The following ZNF517 variants were observed in gnomAD, a reference collection of about 807,000 sequenced individuals.
ZNF517 encodes the protein zinc finger protein 517.
A neutral mutation model predicts 12.1 loss-of-function variants in ZNF517; 12 were observed. That is an observed-to-expected ratio of 0.99 (90% CI 0.63 to 1.61). The LOEUF (loss-of-function observed/expected upper bound fraction) is 1.61. ZNF517 is among the 40% of genes most tolerant of loss of function. ZNF517 has a pLI of 0.00. For missense variants in ZNF517, 781 were observed against 693.2 expected, an observed-to-expected ratio of 1.13 and a Z score of -1.42; for synonymous variants, 388 against 310.2, an observed-to-expected ratio of 1.25 and a Z score of -2.63.
At chr8:144,812,502 GGA>G (rs1372604142), downstream of ZNF517, among the ~76,000 whole-genome samples, 4 of 151,854 alleles carry the variant, frequency 2.6e-5, no homozygotes, top group African/African-American at 9.7e-5. Context: ...AGACAGGGTG[GGA>G]GAGAGACGGA....
In ZNF517 at chr8:144,808,423, C is replaced by T. The variant is rs201744714; in HGVS notation, c.*28C>T. ...ACGGGGACGACAGGCCGAGGATTCACGCTGGAAGCCCACCCAAGCCGGCGG... is the reference window on the plus strand; with the variant it reads ...ACGGGGACGACAGGCCGAGGATTCATGCTGGAAGCCCACCCAAGCCGGCGG... On this transcript the variant is annotated 3_prime_UTR_variant, in exon 5 of 5. Transcript: ENST00000359971. The T allele has an allele frequency of 1.7e-5, 25 of 1,442,460 alleles. No homozygotes were observed. The East Asian group carries it at 4.9e-4, about 28-fold the overall frequency. 89.4% of individuals were successfully genotyped at this position (1,442,460 alleles called of 1,614,324 possible).
Position 144,807,856 on chromosome 8 carries a change from G to A in ZNF517, c.940G>A (p.Glu314Lys). Residue 314 changes from glutamate to lysine, a missense_variant, in exon 5 of 5, where the codon GAG (glutamate) becomes AAG (lysine). By Grantham distance (56) the Glu-to-Lys change is moderately conservative (BLOSUM62 1). Coordinates refer to ENST00000359971, the MANE Select transcript of ZNF517 (RefSeq NM_213605.3). ...CGAGCACGGCCGCATCCACAGCGGGGAGCGGCCCTACCGGTGCCTGCGGTG... is the reference window on the plus strand; with the variant it reads ...CGAGCACGGCCGCATCCACAGCGGGAAGCGGCCCTACCGGTGCCTGCGGTG... ...LNEHGRIHSG[E>K]RPYRCLRCGQ... 6.3e-7 allele frequency: 1 copy of A among 1,589,348 alleles called. No homozygotes were observed. Among genetic ancestry groups the A allele is most frequent in the South Asian group, 1.1e-5 (1 of 87,514 alleles).
At chr8:144,800,732 G>T in intron 1 of ZNF517, 1 of 979,022 alleles carries the variant, frequency 1.0e-6, no homozygotes, top group Non-Finnish European at 1.2e-6. Flanking sequence ...GAATCTGTCT[G>T]ATCCACCCCC....
In ZNF517 at chr8:144,808,477, T is replaced by C. The variant is rs1827410987; in HGVS notation, c.*82T>C. ...CCTAGCGCAGAAATTCAGAACCCCC[T>C]GTCCTGAAGGTGAAGCAAAGTCTAA... is the stretch of plus-strand genomic sequence containing the variant. On this transcript the variant is annotated 3_prime_UTR_variant, in exon 5 of 5. Coordinates refer to ENST00000359971, the MANE Select transcript of ZNF517 (RefSeq NM_213605.3). 2.1e-6 allele frequency: 3 copies of C among 1,397,514 alleles called. No homozygotes were observed. The South Asian group carries it at 5.1e-5, about 24-fold the overall frequency. The allele number at this position is 1,397,514 out of a possible 1,614,324, so 86.6% of individuals were successfully genotyped here.
chr8:144,808,142 C>T lies in ZNF517; in HGVS notation c.1226C>T (p.Ser409Phe). Residue 409 changes from serine (S) to phenylalanine (F), a missense_variant, in exon 5 of 5, where the codon TCC becomes TTC. Transcript: ENST00000359971. ...AECGKAFGRKSNLTLHQKIHT... is the reference protein window; with the variant it reads ...AECGKAFGRKFNLTLHQKIHT... ...TGCGGCAAGGCCTTCGGTCGCAAGT[C>T]CAACCTCACTCTGCACCAGAAGATC... The T allele has an allele frequency of 6.2e-7, 1 of 1,611,632 alleles. No homozygotes were observed. The highest frequency in any genetic ancestry group is 8.5e-7 in the Non-Finnish European group (1 of 1,179,284).
At chr8:144,799,561 G>C (rs1022219820) in intron 1 of ZNF517, among the ~76,000 whole-genome samples, 1 of 152,176 alleles carries the variant, frequency 6.6e-6, no homozygotes, top group Non-Finnish European at 1.5e-5. Context: ...TTTTGACAAG[G>C]GCCTCGCACA....
rs1012422806 is a variant in ZNF517 at position 144,800,609 on chromosome 8, G to T, written c.-46+1672G>T. 1.0e-5 allele frequency: 10 copies of T among 985,252 alleles called. No homozygotes were observed. The African/African-American group carries it at 1.7e-4, about 17-fold the overall frequency. 61.0% of individuals were successfully genotyped at this position (985,252 alleles called of 1,614,324 possible). On this transcript the variant is annotated intron_variant, in intron 1 of 4. Coordinates refer to ENST00000359971, the MANE Select transcript of ZNF517 (RefSeq NM_213605.3). ...TGTGGCCATCGCAGTGGCCCAGGTG[G>T]GTCCTGCCACAGACTGCCCTGGACA...
chr8:144,802,929 C>G lies in ZNF517; in HGVS notation c.15C>G (p.Leu5=), dbSNP rs1290520752. 2.5e-6 allele frequency: 4 copies of G among 1,613,916 alleles called. No individual in the cohort carries two copies. The African/African-American group carries it at 5.3e-5, about 22-fold the overall frequency. MAMA[L]PMPGPQEAVV... ...GGGACCCTGGAATGGCGATGGCACTCCCGATGCCTGGACCTCAGGTGAGCA... is the reference window on the plus strand; with the variant it reads ...GGGACCCTGGAATGGCGATGGCACTGCCGATGCCTGGACCTCAGGTGAGCA... The change falls in exon 2 of 5, where the codon CTC becomes CTG. Residue 5 remains leucine (L), a synonymous_variant. Transcript: ENST00000359971.
intron 4 of ZNF517, among the ~76,000 whole-genome samples, chr8:144,805,677 G>A (rs1827191376): frequency 6.8e-6 from 1 of 147,052 alleles, no homozygotes; most frequent in African/African-American, 2.5e-5. Flanking sequence ...CCAGGCTGGC[G>A]CGTTCTCGGC....
rs1210870314 is a variant in ZNF517 at position 144,808,154 on chromosome 8, T to A, written c.1238T>A (p.Leu413Gln). The change falls in exon 5 of 5, where the codon CTG becomes CAG. Residue 413 changes from leucine (L) to glutamine (Q), a missense_variant. Physicochemically the swap from Leu to Gln is moderately radical, Grantham distance 113. Coordinates refer to ENST00000359971, the MANE Select transcript of ZNF517 (RefSeq NM_213605.3). ...KAFGRKSNLT[L>Q]HQKIHTKEKP... The stretch of plus-strand genomic sequence containing the variant: ...TTCGGTCGCAAGTCCAACCTCACTC[T>A]GCACCAGAAGATCCACACCAAGGAG... 1 of 1,581,482 alleles carries A rather than the reference T, an allele frequency of 6.3e-7. No individual in the cohort carries two copies. Among genetic ancestry groups the A allele is most frequent in the Non-Finnish European group, 8.6e-7 (1 of 1,163,174 alleles).
At chr8:144,805,808 G>A (rs1204223535) in intron 4 of ZNF517, among the ~76,000 whole-genome samples, 2 of 148,630 alleles carry the variant, frequency 1.3e-5, no homozygotes, top group Non-Finnish European at 3.0e-5. Context: ...TTTTAATAGA[G>A]ACGAGGTTTC....
chr8:144,807,737 C>T lies in ZNF517; in HGVS notation c.821C>T (p.Ser274Phe), dbSNP rs1349211629. The T allele has an allele frequency of 3.1e-6, 5 of 1,612,204 alleles. No homozygotes were observed. In the East Asian group the frequency reaches 6.7e-5, roughly 22 times the overall value. ...GECGKAFSRS[S>F]RLLQHQKFHT... is the part of the protein sequence containing the mutation. ...TGCGGCAAGGCCTTCAGCCGCAGCT[C>T]CCGGCTGCTGCAGCACCAGAAGTTC... The change falls in exon 5 of 5, where the codon TCC becomes TTC. Residue 274 changes from serine (S) to phenylalanine (F), a missense_variant. Coordinates refer to ENST00000359971, the MANE Select transcript of ZNF517 (RefSeq NM_213605.3).
chr8:144,800,630 GGACA>G (rs1383732279), intron 1 of ZNF517: 21 of 985,378 alleles, frequency 2.1e-5, no homozygotes, highest in Non-Finnish European at 2.4e-5. Flanking sequence ...AGACTGCCCT[GGACA>G]GACAGTGAGT....
chr8:144,807,882 T>C lies in ZNF517; in HGVS notation c.966T>C (p.Cys322=). 9.0e-6 allele frequency: 14 copies of C among 1,552,734 alleles called. No homozygotes were observed. The highest frequency in any genetic ancestry group is 1.2e-5 in the Non-Finnish European group (14 of 1,152,766). Residue 322 remains cysteine, a synonymous_variant, in exon 5 of 5, where the codon TGT becomes TGC. Transcript: ENST00000359971. ...AGCGGCCCTACCGGTGCCTGCGGTG[T>C]GGGCAGCGCTTCATCCGAGGGTCCT... ...SGERPYRCLR[C]GQRFIRGSSL... is the part of the protein sequence containing the mutation.
chr8:144,799,188 A>C (rs988389658), intron 1 of ZNF517, among the ~76,000 whole-genome samples: 1 of 150,576 alleles, frequency 6.6e-6, no homozygotes, highest in Non-Finnish European at 1.5e-5. Context: ...GCCGAGCCGG[A>C]CGGTTGCGCA....
At chr8:144,802,706 G>A in intron 1 of ZNF517, 164 bp from the exon 2 acceptor site, 1 of 959,074 alleles carries the variant, frequency 1.0e-6, no homozygotes. Context: ...GTGTTCCCAT[G>A]GAGAAGCTTG....
intron 1 of ZNF517, among the ~76,000 whole-genome samples, chr8:144,801,770 A>G (rs2976647): frequency 0.063 from 9,539 of 152,122 alleles, 632 homozygotes; most frequent in African/African-American, 0.16. Flanking sequence ...GGTGGCTCAC[A>G]CCTGTAATCC....
At position 144,807,814 on chromosome 8, in the gene ZNF517, C is replaced by G. The variant is rs779969953; in HGVS notation, c.898C>G (p.Arg300Gly). Reference protein sequence around the residue: ...ACTECGKAFCRRFTLNEHGRI... With the variant: ...ACTECGKAFCGRFTLNEHGRI... ...CACAGAGTGCGGCAAGGCGTTCTGC[C>G]GCAGGTTCACCCTCAACGAGCACGG... The change falls in exon 5 of 5, where the codon CGC becomes GGC. Residue 300 changes from arginine (R) to glycine (G), a missense_variant. Coordinates refer to ENST00000359971, the MANE Select transcript of ZNF517 (RefSeq NM_213605.3). 3.1e-6 allele frequency: 5 copies of G among 1,606,678 alleles called. No individual in the cohort carries two copies. Among genetic ancestry groups the G allele is most frequent in the Non-Finnish European group, 4.2e-6 (5 of 1,177,336 alleles).
In ZNF517 at chr8:144,805,811, G is replaced by A. The variant is rs1443736196; in HGVS notation, c.275-1380G>A. ...TTTTTTTTGTATTTTTAATAGAGAC[G>A]AGGTTTCACCATGTTAGCGAGGATG... On this transcript the variant is annotated intron_variant, in intron 4 of 4. Transcript: ENST00000359971. 5.4e-5 allele frequency among the ~76,000 whole-genome samples: 8 copies of A among 148,198 alleles called. No homozygotes were observed. The South Asian group carries it at 6.4e-4, about 12-fold the overall frequency.
Sources: gnomAD v4.1 joint callset for allele counts (sites outside exome capture counted in the v4.1 genomes callset) on GRCh38, gnomAD v4.1.1 for gene constraint, MANE v1.5 for transcripts, NCBI Gene and HGNC (gene_info 2026-07-23, HGNC 2026-07-21) for gene names.